FAM177A1: variants seen among roughly 807,000 people sequenced by gnomAD.
FAM177A1 encodes family with sequence similarity 177 member A1.
FAM177A1 carries 22 observed loss-of-function variants against 26.1 expected under a neutral mutation model. That is an observed-to-expected ratio of 0.84 (90% CI 0.60 to 1.20). FAM177A1 has a LOEUF of 1.20. FAM177A1 is among the 50% of genes most tolerant of loss of function. FAM177A1 has a pLI of 0.00. For synonymous variants in FAM177A1, 95 were observed against 99.3 expected (o/e 0.96, Z 0.26); for missense variants, 296 against 291.1 (o/e 1.02, Z -0.12).
At chr14:35,071,844 C>CT (rs2045326179) in intron 2 of FAM177A1, among the ~76,000 whole-genome samples, 2 of 152,160 alleles carry the variant, frequency 1.3e-5, no homozygotes, top group Admixed American at 1.3e-4. Flanking sequence ...CTGCCTATAA[C>CT]TTTTTATTCC....
chr14:35,076,805 A>G lies in FAM177A1; in HGVS notation c.340-345A>G, dbSNP rs1350774527. 2.6e-5 allele frequency among the ~76,000 whole-genome samples: 4 copies of G among 152,166 alleles called. No homozygotes were observed. In the South Asian group the frequency reaches 6.2e-4, roughly 24 times the overall value. ...GAACACCCCCTCTGGTGTTGTGTTT[A>G]TAAATAGTGGAGACAAAAATGCAGC... On this transcript the variant is annotated intron_variant, in intron 2 of 4. Transcript: ENST00000280987.
chr14:35,081,387 T>A lies in FAM177A1; in HGVS notation c.*159T>A. ...GTTTTCTTCATTTTTAGGATCTATC[T>A]AGCAAAAGCCAGATCTGAAATTCAG... On this transcript the variant is annotated 3_prime_UTR_variant, in exon 5 of 5. Coordinates refer to ENST00000280987, the MANE Select transcript of FAM177A1 (RefSeq NM_173607.5). The A allele has an allele frequency of 1.4e-6, 1 of 706,454 alleles. No homozygotes were observed. Among genetic ancestry groups the A allele is most frequent in the Non-Finnish European group, 2.2e-6 (1 of 464,912 alleles). The allele number at this position is 706,454 out of a possible 1,614,324, so 43.8% of individuals were successfully genotyped here.
At chr14:35,067,239 T>C (rs2045254298) in intron 2 of FAM177A1, among the ~76,000 whole-genome samples, 2 of 152,364 alleles carry the variant, frequency 1.3e-5, no homozygotes, top group South Asian at 2.1e-4. Flanking sequence ...TCTCTGTTTC[T>C]ATGAGTTCAG....
At position 35,083,062 on chromosome 14, in the gene FAM177A1, C is replaced by T. The variant is rs1487078836; in HGVS notation, c.*1834C>T. ...TAAAACATGCTAACCTGACCTTTTC[C>T]TTCTAATTTGTTTTTAACTTCATTC... On this transcript the variant is annotated 3_prime_UTR_variant, in exon 5 of 5. Coordinates refer to ENST00000280987, the MANE Select transcript of FAM177A1 (RefSeq NM_173607.5). 6 of 152,264 alleles carry T rather than the reference C, an allele frequency of 3.9e-5. No individual in the cohort carries two copies. The highest frequency in any genetic ancestry group is 1.3e-4 in the Admixed American group (2 of 15,244). 9.4% of individuals were successfully genotyped at this position (152,264 alleles called of 1,614,324 possible).
chr14:35,053,048 T>C (rs1364674905), intron 1 of FAM177A1, among the ~76,000 whole-genome samples: 1 of 152,242 alleles, frequency 6.6e-6, no homozygotes, highest in East Asian at 1.9e-4. Flanking sequence ...ACAATGCTGA[T>C]AATCTGCTTT....
Position 35,046,627 on chromosome 14 carries a change from A to AG in FAM177A1, c.165+1dup. On this transcript the variant is annotated frameshift_variant and splice_region_variant, in exon 1 of 5. Coordinates refer to ENST00000280987, the MANE Select transcript of FAM177A1 (RefSeq NM_173607.5). LOFTEE classifies it high-confidence loss of function. ...GCGGCATTCGGGGAATCTGCAGGGCAGGTAGGTGGGGCCGCCGAGGCTGAC... is the reference window on the plus strand; with the variant it reads ...GCGGCATTCGGGGAATCTGCAGGGCAGGGTAGGTGGGGCCGCCGAGGCTGAC... 6.5e-7 allele frequency: 1 copy of AG among 1,534,138 alleles called. No homozygotes were observed. The highest frequency in any genetic ancestry group is 8.8e-7 in the Non-Finnish European group (1 of 1,137,946).
chr14:35,066,127 C>T (rs1232514667), intron 2 of FAM177A1, among the ~76,000 whole-genome samples: 1 of 152,044 alleles, frequency 6.6e-6, no homozygotes, highest in Non-Finnish European at 1.5e-5. Flanking sequence ...AGTAAAGTGG[C>T]ATGATGATGG....
At chr14:35,054,140 G>A (rs934561922) in intron 2 of FAM177A1, among the ~76,000 whole-genome samples, 10 of 152,160 alleles carry the variant, frequency 6.6e-5, no homozygotes, top group Non-Finnish European at 1.2e-4. Context: ...GCATGAACCC[G>A]GGAGGCAGAG....
At chr14:35,079,580 C>T (rs2045448131) in intron 4 of FAM177A1, among the ~76,000 whole-genome samples, 1 of 152,190 alleles carries the variant, frequency 6.6e-6, no homozygotes, top group Non-Finnish European at 1.5e-5. Flanking sequence ...AAAATCCGTT[C>T]TACCACTTAA....
chr14:35,063,442 G>A (rs2045190146), intron 2 of FAM177A1, among the ~76,000 whole-genome samples: 1 of 151,692 alleles, frequency 6.6e-6, no homozygotes, highest in Admixed American at 6.6e-5. Context: ...GCCAGGCATG[G>A]GGGCGGGTGC....
At chr14:35,074,107 C>T (rs539555885) in intron 2 of FAM177A1, among the ~76,000 whole-genome samples, 145 of 152,270 alleles carry the variant, frequency 9.5e-4, no homozygotes, top group African/African-American at 3.3e-3. Flanking sequence ...TCCAGAGGGA[C>T]AGAACTAATA....
chr14:35,045,477 C>A (rs993581102), upstream of FAM177A1, among the ~76,000 whole-genome samples: 6 of 152,088 alleles, frequency 3.9e-5, no homozygotes, highest in African/African-American at 1.4e-4. Context: ...CAAGGTCATA[C>A]AACTTTAGGG....
At chr14:35,075,472 G>T in intron 2 of FAM177A1, among the ~76,000 whole-genome samples, 1 of 152,128 alleles carries the variant, frequency 6.6e-6, no homozygotes, top group Admixed American at 6.6e-5. Flanking sequence ...AGACTTAAAT[G>T]TTAGACCTAA....
At chr14:35,064,335 C>T (rs932775548) in intron 2 of FAM177A1, among the ~76,000 whole-genome samples, 3 of 151,968 alleles carry the variant, frequency 2.0e-5, no homozygotes, top group South Asian at 4.2e-4. Context: ...TGCAGTGAGC[C>T]GAGATCGAGC....
chr14:35,062,789 G>C (rs1287023272), intron 2 of FAM177A1, among the ~76,000 whole-genome samples: 1 of 131,512 alleles, frequency 7.6e-6, no homozygotes, highest in Non-Finnish European at 1.6e-5. Context: ...GTGAGACCCT[G>C]TCTCAAAAAA....
chr14:35,068,203 G>GT (rs2045267985), intron 2 of FAM177A1, among the ~76,000 whole-genome samples: 4 of 152,278 alleles, frequency 2.6e-5, no homozygotes, highest in Admixed American at 6.5e-5. Flanking sequence ...CAGTAAATAG[G>GT]TTTTTTATTG....
intron 2 of FAM177A1, among the ~76,000 whole-genome samples, chr14:35,070,983 TTTTCTTTC>T (rs142474332): frequency 2.7e-5 from 4 of 150,288 alleles, no homozygotes; most frequent in Non-Finnish European, 5.9e-5. Context: ...TTGACCTCCA[TTTTCTTTC>T]TTTCTTTCTT....
intron 1 of FAM177A1, among the ~76,000 whole-genome samples, chr14:35,048,211 GAT>G (rs749540420): frequency 2.0e-4 from 31 of 152,284 alleles, no homozygotes; most frequent in Non-Finnish European, 4.0e-4. Flanking sequence ...CATGGTGCTT[GAT>G]ATGTTTTTCA....
intron 2 of FAM177A1, among the ~76,000 whole-genome samples, chr14:35,057,859 C>T (rs539047805): frequency 6.6e-6 from 1 of 151,704 alleles, no homozygotes; most frequent in Admixed American, 6.6e-5. Context: ...ATTATTTGAC[C>T]CTTTAAATGT....
Sources: allele counts gnomAD v4.1 joint callset (sites outside exome capture counted in the v4.1 genomes callset), GRCh38; gene constraint gnomAD v4.1.1; transcripts MANE v1.5; gene names NCBI Gene and HGNC (gene_info 2026-07-23, HGNC 2026-07-21).